CEP63: variants seen among roughly 807,000 people sequenced by gnomAD.
The protein encoded by CEP63 is centrosomal protein of 63 kDa.
CEP63 carries 84 observed loss-of-function variants against 89.1 expected under a neutral mutation model. The observed-to-expected ratio is 0.94, with a 90% CI of 0.79 to 1.13. The LOEUF (loss-of-function observed/expected upper bound fraction) is 1.13. Ranked by LOEUF, CEP63 falls within the 50% of genes most tolerant of loss-of-function variation. CEP63 has a pLI of 0.00. For missense variants in CEP63, 838 were observed against 813.3 expected (o/e 1.03, Z -0.37); for synonymous variants, 267 against 272.5 (o/e 0.98, Z 0.20).
At chr3:134,561,007 T>C (rs1957251462) in intron 14 of CEP63, among the ~76,000 whole-genome samples, 1 of 152,262 alleles carries the variant, frequency 6.6e-6, no homozygotes, top group Non-Finnish European at 1.5e-5. Flanking sequence ...AATTTATTTT[T>C]GTTAAATTTT....
At chr3:134,607,580 G>A in the CEP63 span, 3 of 985,496 alleles carry the variant, frequency 3.0e-6, no homozygotes, top group Non-Finnish European at 3.6e-6. Flanking sequence ...TGCCCAGGCT[G>A]TGTGCCCAGC....
rs377250952 is a variant in CEP63 at position 134,507,148 on chromosome 3, C to T, written c.84C>T (p.Leu28=). The T allele has an allele frequency of 4.3e-6, 7 of 1,612,730 alleles. No individual in the cohort carries two copies. The African/African-American group carries it at 6.7e-5, about 15-fold the overall frequency. ...CTTGTGAAGCAGAACTACAGGAGCT[C>T]ATGAAACAGATTGACATAATGGTGG... ...LTSCEAELQE[L]MKQIDIMVAH... is the part of the protein sequence containing the mutation. The change falls in exon 3 of 15, where the codon CTC becomes CTT. Residue 28 remains leucine (L), a synonymous_variant. Coordinates refer to ENST00000675561, the MANE Select transcript of CEP63 (RefSeq NM_001353108.3).
chr3:134,534,260 T>G (rs1950366099), intron 5 of CEP63, among the ~76,000 whole-genome samples: 1 of 152,216 alleles, frequency 6.6e-6, no homozygotes, highest in African/African-American at 2.4e-5. Flanking sequence ...CCTTACAGTT[T>G]CTTGGCTTTC....
At chr3:134,763,397 G>A in the CEP63 span, among the ~76,000 whole-genome samples, 11 of 152,228 alleles carry the variant, frequency 7.2e-5, no homozygotes, top group South Asian at 2.1e-3. Flanking sequence ...GCTATGTTAC[G>A]GAATGTCGAA....
At chr3:134,494,713 C>T (rs1282582422) in intron 1 of CEP63, among the ~76,000 whole-genome samples, 2 of 151,976 alleles carry the variant, frequency 1.3e-5, no homozygotes, top group Non-Finnish European at 2.9e-5. Context: ...TATGAAAGAA[C>T]GTATTAAGCA....
intron 3 of CEP63, among the ~76,000 whole-genome samples, chr3:134,525,547 A>T (rs1948459386): frequency 6.6e-6 from 1 of 152,138 alleles, no homozygotes; most frequent in African/African-American, 2.4e-5. Flanking sequence ...ATTGATATGT[A>T]TGGATTTGAT....
At chr3:134,616,280 A>C in the CEP63 span, among the ~76,000 whole-genome samples, 5 of 152,230 alleles carry the variant, frequency 3.3e-5, no homozygotes, top group African/African-American at 1.2e-4. Flanking sequence ...GATGTTGTGA[A>C]AATATCTGAA....
At chr3:134,752,280 A>C in the CEP63 span, among the ~76,000 whole-genome samples, 1 of 152,302 alleles carries the variant, frequency 6.6e-6, no homozygotes, top group South Asian at 2.1e-4. Context: ...GCATATGGAC[A>C]TTTGGGAGGA....
intron 3 of CEP63, among the ~76,000 whole-genome samples, chr3:134,528,347 G>GT (rs988070166): frequency 9.9e-5 from 15 of 152,060 alleles, no homozygotes; most frequent in African/African-American, 3.6e-4. Flanking sequence ...CCTCCCCCTG[G>GT]TTTTTTTCTC....
chr3:134,588,465 A>G (rs925816482), downstream of CEP63, among the ~76,000 whole-genome samples: 4 of 152,198 alleles, frequency 2.6e-5, no homozygotes, highest in Non-Finnish European at 4.4e-5. Context: ...AAATTAGGCA[A>G]TACACTTGTA....
At chr3:134,748,037 G>A in the CEP63 span, among the ~76,000 whole-genome samples, 73 of 152,252 alleles carry the variant, frequency 4.8e-4, 1 homozygote, top group Middle Eastern at 6.8e-3. Context: ...TCCCACCTCG[G>A]CCTTCCAAAG....
the CEP63 span, among the ~76,000 whole-genome samples, chr3:134,665,236 C>T: frequency 3.9e-5 from 6 of 152,214 alleles, no homozygotes; most frequent in African/African-American, 1.4e-4. Context: ...TGAGAAAGGT[C>T]AGGGCTGGCC....
the CEP63 span, among the ~76,000 whole-genome samples, chr3:134,670,076 C>T: frequency 6.6e-6 from 1 of 152,116 alleles, no homozygotes; most frequent in Non-Finnish European, 1.5e-5. Context: ...CATCAGAACC[C>T]CACCATGCTG....
At chr3:134,530,116 G>A (rs1379067747) in intron 3 of CEP63, among the ~76,000 whole-genome samples, 8 of 151,756 alleles carry the variant, frequency 5.3e-5, no homozygotes, top group South Asian at 2.1e-4. Flanking sequence ...CTCGTGATCC[G>A]CCTGCCTCAG....
the CEP63 span, chr3:134,643,486 C>G: frequency 1.2e-6 from 1 of 839,656 alleles, no homozygotes; most frequent in African/African-American, 1.7e-5. Context: ...GGGGGCCAAG[C>G]ACATCCCCAG....
the CEP63 span, among the ~76,000 whole-genome samples, chr3:134,757,946 G>A: frequency 1.3e-5 from 2 of 152,258 alleles, no homozygotes; most frequent in South Asian, 4.2e-4. Context: ...GCATCAGGAT[G>A]GCAGAGATGA....
At chr3:134,687,336 A>G in the CEP63 span, among the ~76,000 whole-genome samples, 2 of 152,234 alleles carry the variant, frequency 1.3e-5, no homozygotes, top group African/African-American at 2.4e-5. Context: ...TCTGGAAAAC[A>G]TATGGAGAAA....
the CEP63 span, among the ~76,000 whole-genome samples, chr3:134,694,933 A>C: frequency 3.9e-5 from 6 of 152,222 alleles, no homozygotes; most frequent in South Asian, 2.1e-4. Context: ...GTGTGTGTGC[A>C]TGTAAGGGTT....
At position 134,562,198 on chromosome 3, in the gene CEP63, C is replaced by G; in HGVS notation, c.*663C>G. 1 of 986,250 alleles carries G rather than the reference C, an allele frequency of 1.0e-6. No individual in the cohort carries two copies. The highest frequency in any genetic ancestry group is 1.2e-6 in the Non-Finnish European group (1 of 830,430). The allele number at this position is 986,250 out of a possible 1,614,324, so 61.1% of individuals were successfully genotyped here. On this transcript the variant is annotated 3_prime_UTR_variant, in exon 15 of 15. Coordinates refer to ENST00000675561, the MANE Select transcript of CEP63 (RefSeq NM_001353108.3). ...GGAATATCCATTGGAAATAAATGTT[C>G]ATCGTCTGCACTGCTGAGGACAAGT... is the stretch of plus-strand genomic sequence containing the variant.
Sources: gnomAD v4.1 joint callset for allele counts (sites outside exome capture counted in the v4.1 genomes callset) on GRCh38, gnomAD v4.1.1 for gene constraint, MANE v1.5 for transcripts, NCBI Gene and HGNC (gene_info 2026-07-23, HGNC 2026-07-21) for gene names.